The following TENT4B variants were observed in gnomAD, a reference collection of about 807,000 sequenced individuals.
The protein encoded by TENT4B is terminal nucleotidyltransferase 4B.
Under a neutral mutation model 75.0 loss-of-function variants are expected in TENT4B, and 10 were observed. That is an observed-to-expected ratio of 0.13 (90% CI 0.08 to 0.23). TENT4B has a LOEUF of 0.23. TENT4B is among the 10% of genes least tolerant of loss of function. The pLI is 1.00. For synonymous variants in TENT4B, 350 were observed against 357.7 expected, an observed-to-expected ratio of 0.98 and a Z score of 0.24; for missense variants, 579 against 893.8, an observed-to-expected ratio of 0.65 and a Z score of 4.49.
intron 8 of TENT4B, 47 bp downstream of exon 8, chr16:50,224,830 G>C (rs911328498): frequency 4.3e-6 from 7 of 1,612,296 alleles, no homozygotes; most frequent in African/African-American, 4.0e-5. Flanking sequence ...ATTAGTTGTG[G>C]CTTCTTATCT....
At position 50,229,150 on chromosome 16, in the gene TENT4B, A is replaced by T; in HGVS notation, c.1966-2A>T. On this transcript the variant is annotated splice_acceptor_variant, in intron 11 of 11. Transcript: ENST00000561678. LOFTEE classifies it high-confidence loss of function. Reference sequence around the variant, plus strand: ...CTTTGTGGTCGTTTTCTGTTTCTGCAGCATGGATCAGCAAGGCTCTTTCGT... The same window carrying T: ...CTTTGTGGTCGTTTTCTGTTTCTGCTGCATGGATCAGCAAGGCTCTTTCGT... 6.2e-7 allele frequency: 1 copy of T among 1,613,336 alleles called. No individual in the cohort carries two copies. The highest frequency in any genetic ancestry group is 1.1e-5 in the South Asian group (1 of 90,910).
intron 2 of TENT4B, among the ~76,000 whole-genome samples, chr16:50,212,250 G>A (rs995034308): frequency 1.6e-4 from 24 of 152,148 alleles, no homozygotes; most frequent in African/African-American, 5.8e-4. Flanking sequence ...TAGAGACTGA[G>A]TCTCACTATG....
rs1305814608 is a variant in TENT4B at position 50,229,353 on chromosome 16, TCTC to T, written c.*26_*28del. 1 of 1,591,470 alleles carries T rather than the reference TCTC, an allele frequency of 6.3e-7. No individual in the cohort carries two copies. The highest frequency in any genetic ancestry group is 1.4e-5 in the African/African-American group (1 of 73,748). On this transcript the variant is annotated 3_prime_UTR_variant, in exon 12 of 12. Transcript: ENST00000561678. The stretch of plus-strand genomic sequence containing the variant: ...GTCAGCGCTGCGCGGTGGACTGTCT[TCTC>T]TGTGCAATGATCTCATGCTCAGGAC...
upstream of TENT4B, among the ~76,000 whole-genome samples, chr16:50,153,183 T>TGGGGGGGGGGGGGGGGGG (rs760198722): frequency 4.7e-5 from 1 of 21,122 alleles, no homozygotes. Context: ...GGCGGGGCGG[T>TGGGGGGGGGGGGGGGGGG]GGGGGGGGGG....
chr16:50,161,039 A>C (rs1013745715), intron 1 of TENT4B, among the ~76,000 whole-genome samples: 15 of 152,220 alleles, frequency 9.9e-5, no homozygotes, highest in African/African-American at 3.6e-4. Context: ...GACAGCCTAG[A>C]GTCTGCTGAG....
chr16:50,205,125 T>G (rs2030874803), intron 1 of TENT4B, among the ~76,000 whole-genome samples: 1 of 152,186 alleles, frequency 6.6e-6, no homozygotes, highest in Non-Finnish European at 1.5e-5. Context: ...CATGTATGCA[T>G]TTTTCTTAAA....
intron 2 of TENT4B, 39 bp downstream of exon 2, chr16:50,211,485 C>G: frequency 6.6e-7 from 1 of 1,519,894 alleles, no homozygotes; most frequent in Non-Finnish European, 8.8e-7. Context: ...TCGGACAGTC[C>G]TTGTCCACGG....
At chr16:50,189,446 C>T (rs2150706995) in intron 1 of TENT4B, among the ~76,000 whole-genome samples, 1 of 152,228 alleles carries the variant, frequency 6.6e-6, no homozygotes, top group Non-Finnish European at 1.5e-5. Flanking sequence ...CTACTTTTTC[C>T]TAATGTTTTT....
chr16:50,168,111 TAAAA>T (rs747050006), intron 1 of TENT4B, among the ~76,000 whole-genome samples: 2 of 88,962 alleles, frequency 2.2e-5, no homozygotes, highest in Non-Finnish European at 5.9e-5. Context: ...AAAAAATAAT[TAAAA>T]AAAAAAAAGA....
intron 1 of TENT4B, among the ~76,000 whole-genome samples, chr16:50,191,296 C>A (rs2038633042): frequency 6.6e-6 from 1 of 152,094 alleles, no homozygotes; most frequent in African/African-American, 2.4e-5. Context: ...TGCTGTTTTC[C>A]ACACAGCTGT....
At position 50,154,287 on chromosome 16, in the gene TENT4B, C is replaced by A; in HGVS notation, c.638+28C>A. On this transcript the variant is annotated intron_variant, in intron 1 of 11. Transcript: ENST00000561678. ...GAGTGCTGGCTCTGCGGCCCGATGG[C>A]CTGGCCGGTGCGAATGCGCAGCCGG... 4.3e-6 allele frequency: 6 copies of A among 1,390,222 alleles called. No individual in the cohort carries two copies. In the South Asian group the frequency reaches 8.2e-5, roughly 19 times the overall value. 86.1% of individuals were successfully genotyped at this position (1,390,222 alleles called of 1,614,324 possible).
chr16:50,179,694 T>TA (rs1329629815), intron 1 of TENT4B, among the ~76,000 whole-genome samples: 1 of 152,206 alleles, frequency 6.6e-6, no homozygotes, highest in Non-Finnish European at 1.5e-5. Context: ...AATCCTTTTT[T>TA]AAAAAATTAA....
chr16:50,198,493 C>G (rs1041984017), intron 1 of TENT4B, among the ~76,000 whole-genome samples: 3 of 150,684 alleles, frequency 2.0e-5, no homozygotes, highest in Non-Finnish European at 4.4e-5. Context: ...CATCAAATCC[C>G]TAAGATAATT....
chr16:50,206,686 C>T (rs2030990889), intron 1 of TENT4B, among the ~76,000 whole-genome samples: 1 of 152,078 alleles, frequency 6.6e-6, no homozygotes, highest in Non-Finnish European at 1.5e-5. Flanking sequence ...GCCTAGAAGG[C>T]ACAAGGGAGC....
intron 1 of TENT4B, among the ~76,000 whole-genome samples, chr16:50,155,272 G>GGTGTGT (rs60683678): frequency 0.29 from 39,165 of 135,124 alleles, 6,151 homozygotes; most frequent in Non-Finnish European, 0.34. Context: ...GGGTCTCGTG[G>GGTGTGT]GTGTGTGTGT....
At chr16:50,198,398 G>A (rs184431045) in intron 1 of TENT4B, among the ~76,000 whole-genome samples, 1,012 of 136,664 alleles carry the variant, frequency 7.4e-3, no homozygotes, top group Non-Finnish European at 0.012. Context: ...CAGCCTGGGT[G>A]ACAAAGTGAG....
At chr16:50,155,272 G>GTGTGTGTGTGTGTGTGTGTGT (rs2037871396) in intron 1 of TENT4B, among the ~76,000 whole-genome samples, 2 of 135,370 alleles carry the variant, frequency 1.5e-5, no homozygotes, top group Non-Finnish European at 3.1e-5. Flanking sequence ...GGGTCTCGTG[G>GTGTGTGTGTGTGTGTGTGTGT]GTGTGTGTGT....
At chr16:50,166,291 G>C (rs887466173) in intron 1 of TENT4B, among the ~76,000 whole-genome samples, 5 of 151,800 alleles carry the variant, frequency 3.3e-5, no homozygotes, top group African/African-American at 1.2e-4. Context: ...TGCCATGTTG[G>C]TCAGGCTGGT....
rs1435122653 is a variant in TENT4B at position 50,206,905 on chromosome 16, G to GT, written c.639-4415dup. On this transcript the variant is annotated intron_variant, in intron 1 of 11. Coordinates refer to ENST00000561678, the MANE Select transcript of TENT4B (RefSeq NM_001365324.3). ...TAGCAGATCTTTCCTCAGAACAGAA[G>GT]TTTGTTTTTTTTTTTTAACCTAAAT... Among the ~76,000 whole-genome samples the GT allele has an allele frequency of 9.1e-3, 134 of 14,688 alleles. 1 individual carries two copies. The highest frequency in any genetic ancestry group is 0.038 in the East Asian group (23 of 598). The allele number at this position is 14,688 out of a possible 152,430, so 9.6% of individuals were successfully genotyped here.
Sources: gnomAD v4.1 joint callset for allele counts (sites outside exome capture counted in the v4.1 genomes callset) on GRCh38, gnomAD v4.1.1 for gene constraint, MANE v1.5 for transcripts, NCBI Gene and HGNC (gene_info 2026-07-23, HGNC 2026-07-21) for gene names.